Variants in DNAH12 observed in about 807,000 individuals in gnomAD.
DNAH12 encodes dynein axonemal heavy chain 12.
DNAH12 carries 285 observed loss-of-function variants against 371.5 expected under a neutral mutation model. The ratio of observed to expected loss-of-function variants is 0.77; its 90% CI spans 0.70 to 0.85. The LOEUF is 0.85. DNAH12 is among the 40% of genes least tolerant of loss of function. The pLI is 0.00. For missense variants in DNAH12, 3,611 were observed against 3,689.4 expected, an observed-to-expected ratio of 0.98 and a Z score of 0.55; for synonymous variants, 1,200 against 1,213.0, an observed-to-expected ratio of 0.99 and a Z score of 0.22.
At chr3:57,355,312 T>C (rs910193746) in intron 59 of DNAH12, among the ~76,000 whole-genome samples, 6 of 152,096 alleles carry the variant, frequency 3.9e-5, no homozygotes, top group African/African-American at 1.4e-4. Context: ...TTGGAGTCAT[T>C]AATGGTTCAT....
At chr3:57,515,340 T>C (rs1024359709) in intron 4 of DNAH12, among the ~76,000 whole-genome samples, 9 of 152,040 alleles carry the variant, frequency 5.9e-5, no homozygotes, top group African/African-American at 1.7e-4. Flanking sequence ...GAACATCTTA[T>C]TGTGCCAGAA....
At chr3:57,500,554 A>G (rs1396925892) in intron 11 of DNAH12, among the ~76,000 whole-genome samples, 1 of 152,000 alleles carries the variant, frequency 6.6e-6, no homozygotes, top group Non-Finnish European at 1.5e-5. Flanking sequence ...TTCTCTGAAC[A>G]CCCTGGTTCA....
At chr3:57,431,994 G>T (rs1279140104) in intron 32 of DNAH12, among the ~76,000 whole-genome samples, 1 of 152,014 alleles carries the variant, frequency 6.6e-6, no homozygotes. Context: ...CTCTCATGCA[G>T]TAAGAGACAA....
chr3:57,537,538 A>ATT (rs2069096822), intron 2 of DNAH12, among the ~76,000 whole-genome samples: 1 of 152,182 alleles, frequency 6.6e-6, no homozygotes, highest in African/African-American at 2.4e-5. Flanking sequence ...CCTTTGAAAA[A>ATT]GAGAAGTCTG....
chr3:57,523,246 T>C (rs2068514239), intron 4 of DNAH12, among the ~76,000 whole-genome samples: 1 of 151,968 alleles, frequency 6.6e-6, no homozygotes, highest in Non-Finnish European at 1.5e-5. Context: ...TATCCAAGCA[T>C]GGTGGCATGT....
chr3:57,358,461 T>C (rs1312085487), intron 58 of DNAH12, among the ~76,000 whole-genome samples: 1 of 152,160 alleles, frequency 6.6e-6, no homozygotes, highest in Admixed American at 6.5e-5. Flanking sequence ...GAGGTCTGGA[T>C]GTATGTCCTA....
chr3:57,444,428 G>T (rs2153369921), intron 29 of DNAH12, among the ~76,000 whole-genome samples: 1 of 152,140 alleles, frequency 6.6e-6, no homozygotes, highest in East Asian at 1.9e-4. Flanking sequence ...CTGACCTCAG[G>T]TGATCCACCC....
chr3:57,509,980 C>A (rs2067926735), intron 5 of DNAH12, among the ~76,000 whole-genome samples: 1 of 148,482 alleles, frequency 6.7e-6, no homozygotes, highest in Admixed American at 6.8e-5. Context: ...TCCCACCACA[C>A]ACAAAAAATG....
chr3:57,333,939 ATT>A (rs1278429726), intron 62 of DNAH12, among the ~76,000 whole-genome samples: 7 of 152,248 alleles, frequency 4.6e-5, no homozygotes, highest in Non-Finnish European at 1.0e-4. Flanking sequence ...TAAAACAGTT[ATT>A]ATAACTGTGT....
At chr3:57,495,854 A>G (rs1042073718) in intron 11 of DNAH12, among the ~76,000 whole-genome samples, 2 of 142,590 alleles carry the variant, frequency 1.4e-5, no homozygotes, top group Admixed American at 1.4e-4. Context: ...CAATGTATTT[A>G]TATATTTTAT....
intron 2 of DNAH12, among the ~76,000 whole-genome samples, chr3:57,538,477 T>A (rs926028056): frequency 2.6e-5 from 4 of 152,242 alleles, no homozygotes; most frequent in African/African-American, 9.6e-5. Flanking sequence ...AACAATAACA[T>A]GCCAAACCCT....
chr3:57,384,770 T>C (rs2063468798), intron 49 of DNAH12, 59 bp downstream of exon 49: 2 of 152,228 alleles, frequency 1.3e-5, no homozygotes, highest in Non-Finnish European at 2.9e-5. Flanking sequence ...ATAAGCCAAA[T>C]ACCCATATTC....
At chr3:57,479,772 C>G (rs935194124) in intron 13 of DNAH12, among the ~76,000 whole-genome samples, 4 of 152,158 alleles carry the variant, frequency 2.6e-5, no homozygotes, top group Admixed American at 2.6e-4. Flanking sequence ...GAAACTCACT[C>G]AAAACCACTC....
rs917199476 is a variant in DNAH12 at position 57,408,428 on chromosome 3, C to T, written c.6128G>A (p.Arg2043Gln). Residue 2043 changes from arginine (R) to glutamine (Q), a missense_variant, in exon 40 of 74, where the codon CGA becomes CAA. Arg to Gln is a conservative substitution (Grantham distance 43). Transcript: ENST00000495027. ...ATTAATACTGCAGATGTTGAAATGT[C>T]GAATACAACGGGGAGTAACTGGATT... is the stretch of plus-strand genomic sequence containing the variant. ...GRNPVTPRCI[R>Q]HFNICSINSF... The T allele has an allele frequency of 3.2e-6, 5 of 1,551,460 alleles. No individual in the cohort carries two copies. The highest frequency in any genetic ancestry group is 4.4e-6 in the Non-Finnish European group (5 of 1,146,898).
chr3:57,402,160 A>C (rs2063891024), intron 43 of DNAH12, among the ~76,000 whole-genome samples: 1 of 152,196 alleles, frequency 6.6e-6, no homozygotes. Context: ...TTTCATGTCT[A>C]TGTAGATAGA....
At chr3:57,543,315 G>GTTTTTTTTTTTTTT in intron 1 of DNAH12, among the ~76,000 whole-genome samples, 1 of 70,286 alleles carries the variant, frequency 1.4e-5, no homozygotes, top group Non-Finnish European at 2.4e-5. Context: ...ATCATTAATG[G>GTTTTTTTTTTTTTT]TTTTTTTTTT....
At chr3:57,343,941 T>G (rs1483762880) in intron 60 of DNAH12, among the ~76,000 whole-genome samples, 11 of 152,142 alleles carry the variant, frequency 7.2e-5, no homozygotes, top group Non-Finnish European at 1.3e-4. Flanking sequence ...CATAGATTCT[T>G]TTGCTCACAT....
chr3:57,304,728 G>T (rs537799297), intron 69 of DNAH12, among the ~76,000 whole-genome samples: 1 of 152,026 alleles, frequency 6.6e-6, no homozygotes, highest in Non-Finnish European at 1.5e-5. Flanking sequence ...AGCAAGTACC[G>T]CTTTTCTGGA....
At chr3:57,342,496 A>AG (rs1553656570) in intron 60 of DNAH12, among the ~76,000 whole-genome samples, 1 of 146,288 alleles carries the variant, frequency 6.8e-6, no homozygotes, top group East Asian at 2.0e-4. Context: ...AAAAAAAAAA[A>AG]AAAAAAAAAA....
Sources: gnomAD v4.1 joint callset for allele counts (sites outside exome capture counted in the v4.1 genomes callset) on GRCh38, gnomAD v4.1.1 for gene constraint, MANE v1.5 for transcripts, NCBI Gene and HGNC (gene_info 2026-07-23, HGNC 2026-07-21) for gene names.